LARS2: variants seen among roughly 807,000 people sequenced by gnomAD.
LARS2 encodes leucyl-tRNA synthetase 2, mitochondrial, also known as leucine--tRNA ligase, mitochondrial.
Under a neutral mutation model 116.6 loss-of-function variants are expected in LARS2, and 81 were observed. The observed-to-expected ratio is 0.69, with a 90% CI of 0.58 to 0.84. LARS2 has a LOEUF of 0.84. Among genes scored for constraint, LARS2 ranks in the 40% least tolerant of loss-of-function variants. The pLI, the probability that LARS2 is intolerant of heterozygous loss-of-function variation, is 0.00. For synonymous variants in LARS2, 396 were observed against 407.2 expected (o/e 0.97, Z 0.33); for missense variants, 968 against 1,114.5 (o/e 0.87, Z 1.87).
chr3:45,450,441 C>T (rs913484043), intron 7 of LARS2, among the ~76,000 whole-genome samples: 1 of 152,196 alleles, frequency 6.6e-6, no homozygotes, highest in Non-Finnish European at 1.5e-5. Context: ...CTACACTCTA[C>T]ATCCATGAGA....
intron 8 of LARS2, among the ~76,000 whole-genome samples, chr3:45,462,705 A>G (rs1168410895): frequency 6.6e-6 from 1 of 152,050 alleles, no homozygotes; most frequent in South Asian, 2.1e-4. Flanking sequence ...AGAGCTTTGT[A>G]TTTGCATCTC....
rs570087195 is a variant in LARS2, at chr3:45,499,975, A to T, written c.1623-467A>T. ...TTATATAAGCTTTTCTCATATATATATTTTTGTTTGTTTGTTTGTTTGTTT... is the reference window on the plus strand; with the variant it reads ...TTATATAAGCTTTTCTCATATATATTTTTTTGTTTGTTTGTTTGTTTGTTT... On this transcript the variant is annotated intron_variant, in intron 14 of 21. Transcript: ENST00000645846. Among the ~76,000 whole-genome samples, 71 of 151,492 alleles carry T rather than the reference A, an allele frequency of 4.7e-4. 1 individual carries two copies. In the East Asian group the frequency reaches 8.7e-3, roughly 19 times the overall value.
chr3:45,527,764 G>A (rs1016139864), intron 20 of LARS2, among the ~76,000 whole-genome samples: 1 of 152,196 alleles, frequency 6.6e-6, no homozygotes, highest in Non-Finnish European at 1.5e-5. Context: ...CAGTGACCTT[G>A]TCTTTGTGCT....
chr3:45,390,753 C>T (rs1008037908), intron 1 of LARS2, among the ~76,000 whole-genome samples: 2 of 151,656 alleles, frequency 1.3e-5, no homozygotes, highest in Non-Finnish European at 2.9e-5. Context: ...CCCGGGTTCA[C>T]GCCTTTCTCC....
chr3:45,442,115 A>G (rs897798627), intron 6 of LARS2, among the ~76,000 whole-genome samples: 1 of 152,222 alleles, frequency 6.6e-6, no homozygotes, highest in Admixed American at 6.5e-5. Context: ...TGACTTTTGT[A>G]TTGAAAACAA....
intron 6 of LARS2, among the ~76,000 whole-genome samples, chr3:45,422,919 T>A (rs1357317265): frequency 6.6e-6 from 1 of 152,218 alleles, no homozygotes; most frequent in African/African-American, 2.4e-5. Flanking sequence ...TTGTGTTTAA[T>A]AGGAAAGTGA....
intron 20 of LARS2, among the ~76,000 whole-genome samples, chr3:45,525,996 AAG>A (rs1575313901): frequency 6.6e-6 from 1 of 152,286 alleles, no homozygotes; most frequent in African/African-American, 2.4e-5. Flanking sequence ...TAGGAGGGGA[AAG>A]AGAGAGGAGG....
chr3:45,444,480 G>A (rs575266745), intron 6 of LARS2, among the ~76,000 whole-genome samples: 240 of 6,112 alleles, frequency 0.039, 1 homozygote, highest in Admixed American at 0.079. Flanking sequence ...CGGCTAAAAC[G>A]GTGAAACCCC....
At chr3:45,454,862 A>T (rs1699188830) in intron 7 of LARS2, among the ~76,000 whole-genome samples, 1 of 152,176 alleles carries the variant, frequency 6.6e-6, no homozygotes, top group African/African-American at 2.4e-5. Flanking sequence ...GGGATTTAGG[A>T]AGCAACTCCA....
At position 45,441,095 on chromosome 3, in the gene LARS2, G is replaced by A. The variant is rs139270654; in HGVS notation, c.517-5796G>A. Among the ~76,000 whole-genome samples, 270 of 147,154 alleles carry A rather than the reference G, an allele frequency of 1.8e-3. 3 individuals are homozygous for A. Among genetic ancestry groups the A allele is most frequent in the East Asian group, 7.7e-3 (38 of 4,956 alleles). On this transcript the variant is annotated intron_variant, in intron 6 of 21. Transcript: ENST00000645846. ...GGCTGGAGTTCAGTGGCACAGTCTC[G>A]GCTCACTGCAACCTCCACCTCCAGG...
chr3:45,420,828 T>A (rs145894773), intron 6 of LARS2, among the ~76,000 whole-genome samples: 2 of 152,310 alleles, frequency 1.3e-5, no homozygotes, highest in East Asian at 3.9e-4. Context: ...CACAGGAATA[T>A]CAACGATAAA....
intron 8 of LARS2, among the ~76,000 whole-genome samples, chr3:45,464,311 G>A (rs1699387472): frequency 6.6e-6 from 1 of 152,196 alleles, no homozygotes; most frequent in Non-Finnish European, 1.5e-5. Context: ...GAAGCAGTGA[G>A]GCAGGGTCCA....
At chr3:45,475,746 G>A (rs774680898) in intron 9 of LARS2, among the ~76,000 whole-genome samples, 2 of 152,236 alleles carry the variant, frequency 1.3e-5, no homozygotes, top group Non-Finnish European at 2.9e-5. Flanking sequence ...CTATGCCTCT[G>A]TGTCCCCAAT....
chr3:45,516,301 T>G (rs1338717418), intron 17 of LARS2, 25 bp downstream of exon 17: 2 of 1,602,750 alleles, frequency 1.2e-6, no homozygotes, highest in Admixed American at 1.7e-5. Flanking sequence ...TCTTCCTGAC[T>G]TGCTTCCTTT....
chr3:45,469,825 C>T (rs1453045098), intron 8 of LARS2, among the ~76,000 whole-genome samples: 1 of 151,844 alleles, frequency 6.6e-6, no homozygotes, highest in Non-Finnish European at 1.5e-5. Context: ...CCTCCCCCCC[C>T]ACCAAAAAAA....
intron 1 of LARS2, among the ~76,000 whole-genome samples, chr3:45,390,736 T>G (rs1697928171): frequency 6.6e-6 from 1 of 151,428 alleles, no homozygotes; most frequent in African/African-American, 2.4e-5. Context: ...CACTGCAAGC[T>G]CCGCCTCCCG....
At chr3:45,501,870 A>C (rs932358222) in intron 15 of LARS2, among the ~76,000 whole-genome samples, 2 of 149,766 alleles carry the variant, frequency 1.3e-5, no homozygotes, top group African/African-American at 4.8e-5. Context: ...TCACCAAACC[A>C]GTGGGTATAT....
At chr3:45,440,158 C>T (rs747871449) in intron 6 of LARS2, among the ~76,000 whole-genome samples, 6 of 152,182 alleles carry the variant, frequency 3.9e-5, no homozygotes, top group Non-Finnish European at 7.3e-5. Context: ...GAAGCTTGAA[C>T]CATCATCAGT....
intron 20 of LARS2, among the ~76,000 whole-genome samples, chr3:45,529,772 T>C (rs1700586829): frequency 6.6e-6 from 1 of 152,218 alleles, no homozygotes. Context: ...ATATGGACTT[T>C]TCAATCCCTT....
Sources: gnomAD v4.1 joint callset for allele counts (sites outside exome capture counted in the v4.1 genomes callset) on GRCh38, gnomAD v4.1.1 for gene constraint, MANE v1.5 for transcripts, NCBI Gene and HGNC (gene_info 2026-07-23, HGNC 2026-07-21) for gene names.